The following PCDH15 variants were observed in gnomAD, a reference collection of about 807,000 sequenced individuals.
The protein encoded by PCDH15 is protocadherin-15.
A neutral mutation model predicts 178.5 loss-of-function variants in PCDH15; 129 were observed. The observed-to-expected ratio is 0.72, with a 90% CI of 0.63 to 0.84. PCDH15 has a LOEUF of 0.84. Ranked by LOEUF, PCDH15 falls within the 40% of genes least tolerant of loss-of-function variation. The pLI, the probability that PCDH15 is intolerant of heterozygous loss-of-function variation, is 0.00. For missense variants in PCDH15, 2,230 were observed against 2,099.9 expected (o/e 1.06, Z -1.21); for synonymous variants, 800 against 732.0 (o/e 1.09, Z -1.50).
intron 5 of PCDH15, among the ~76,000 whole-genome samples, chr10:54,368,149 G>C (rs1031775344): frequency 2.6e-5 from 4 of 151,824 alleles, no homozygotes; most frequent in African/African-American, 9.7e-5. Context: ...GAAAGTCTCA[G>C]ATTACAAGGA....
chr10:55,454,378 G>T (rs1565155925), intron 2 of PCDH15, among the ~76,000 whole-genome samples: 1 of 151,902 alleles, frequency 6.6e-6, no homozygotes, highest in Non-Finnish European at 1.5e-5. Flanking sequence ...ATTTAAAGGG[G>T]ATTACAGTAT....
intron 11 of PCDH15, among the ~76,000 whole-genome samples, chr10:54,186,745 C>CA: frequency 6.6e-6 from 1 of 152,026 alleles, no homozygotes; most frequent in South Asian, 2.1e-4. Context: ...ACAGGCACTT[C>CA]AGTTGTTTCC....
intron 1 of PCDH15, among the ~76,000 whole-genome samples, chr10:54,687,799 C>G (rs1678543196): frequency 6.6e-6 from 1 of 152,062 alleles, no homozygotes; most frequent in South Asian, 2.1e-4. Context: ...TCTCTCTGCT[C>G]CTTTAAGACC....
chr10:55,334,827 T>A (rs67962760), intron 2 of PCDH15, among the ~76,000 whole-genome samples: 33,553 of 152,038 alleles, frequency 0.22, 4,374 homozygotes, highest in African/African-American at 0.36. Context: ...AGAAAATAAT[T>A]ACCTCCTTGG....
At chr10:54,029,696 G>A (rs1402541058) in intron 18 of PCDH15, among the ~76,000 whole-genome samples, 1 of 152,080 alleles carries the variant, frequency 6.6e-6, no homozygotes, top group East Asian at 1.9e-4. Context: ...TTTGAGAAGC[G>A]ATTTTATAGC....
intron 1 of PCDH15, among the ~76,000 whole-genome samples, chr10:55,287,482 G>A (rs530147640): frequency 2.6e-4 from 40 of 151,966 alleles, no homozygotes; most frequent in Non-Finnish European, 3.5e-4. Context: ...AAGGCTACAC[G>A]TTCCTCTTTA....
chr10:54,196,994 C>T (rs1250447306), intron 10 of PCDH15, among the ~76,000 whole-genome samples: 1 of 152,050 alleles, frequency 6.6e-6, no homozygotes, highest in Admixed American at 6.5e-5. Context: ...CTCAAAGAAA[C>T]GTAGACAATT....
At chr10:54,758,715 C>T (rs7910337) in intron 1 of PCDH15, among the ~76,000 whole-genome samples, 11,768 of 152,074 alleles carry the variant, frequency 0.077, 1,498 homozygotes, top group African/African-American at 0.27. Flanking sequence ...ACAAAGGAAA[C>T]CCAAATAAAA....
At chr10:54,118,606 G>A (rs1446456648) in intron 15 of PCDH15, among the ~76,000 whole-genome samples, 1 of 152,054 alleles carries the variant, frequency 6.6e-6, no homozygotes, top group Admixed American at 6.6e-5. Flanking sequence ...CTGGCAGTGA[G>A]TCGAGATTGT....
At chr10:54,789,498 T>G (rs1231299014) in intron 1 of PCDH15, among the ~76,000 whole-genome samples, 1 of 151,842 alleles carries the variant, frequency 6.6e-6, no homozygotes, top group African/African-American at 2.4e-5. Context: ...CAAATATAAA[T>G]CACTGACAAG....
chr10:54,324,240 A>G (rs970400866), intron 7 of PCDH15, among the ~76,000 whole-genome samples: 1 of 152,164 alleles, frequency 6.6e-6, no homozygotes, highest in Non-Finnish European at 1.5e-5. Context: ...TTTTACCTAT[A>G]CAAACACATA....
chr10:55,452,243 C>CGG (rs1554871241), intron 2 of PCDH15, among the ~76,000 whole-genome samples: 1 of 151,796 alleles, frequency 6.6e-6, no homozygotes, highest in Non-Finnish European at 1.5e-5. Flanking sequence ...AAACCAAAGA[C>CGG]GAGTGTAAAT....
At chr10:54,723,568 C>A (rs1432928388) in intron 1 of PCDH15, among the ~76,000 whole-genome samples, 1 of 151,674 alleles carries the variant, frequency 6.6e-6, no homozygotes, top group Non-Finnish European at 1.5e-5. Flanking sequence ...AACTAAACAG[C>A]TTTTGCACAA....
intron 2 of PCDH15, among the ~76,000 whole-genome samples, chr10:55,017,786 G>A (rs1840219227): frequency 6.6e-6 from 1 of 151,990 alleles, no homozygotes; most frequent in Non-Finnish European, 1.5e-5. Flanking sequence ...TAATGGGATA[G>A]TATACCTCCA....
intron 1 of PCDH15, among the ~76,000 whole-genome samples, chr10:55,201,016 G>A (rs891386084): frequency 6.6e-6 from 1 of 152,080 alleles, no homozygotes; most frequent in African/African-American, 2.4e-5. Context: ...CAGAGGTCTA[G>A]AGATTGATTA....
At chr10:54,858,044 G>A (rs1021205175) in intron 3 of PCDH15, among the ~76,000 whole-genome samples, 1 of 152,256 alleles carries the variant, frequency 6.6e-6, no homozygotes, top group South Asian at 2.1e-4. Flanking sequence ...AAACGTGTAT[G>A]TCCTGTCTAA....
At chr10:54,145,250 A>G (rs60992140) in intron 14 of PCDH15, among the ~76,000 whole-genome samples, 2,347 of 152,162 alleles carry the variant, frequency 0.015, 76 homozygotes, top group African/African-American at 0.054. Flanking sequence ...TAATGTTGCT[A>G]GCTTATAGAG....
intron 1 of PCDH15, among the ~76,000 whole-genome samples, chr10:54,671,804 A>C (rs561814099): frequency 4.5e-4 from 69 of 152,274 alleles, no homozygotes; most frequent in African/African-American, 1.6e-3. Flanking sequence ...GTCACACCTA[A>C]AGTAGCTCAT....
intron 3 of PCDH15, among the ~76,000 whole-genome samples, chr10:54,391,278 G>C (rs982101254): frequency 7.2e-5 from 11 of 152,062 alleles, no homozygotes; most frequent in Non-Finnish European, 1.2e-4. Flanking sequence ...GCCACACCTG[G>C]CAAAAATTAG....
Sources: gnomAD v4.1 joint callset for allele counts (sites outside exome capture counted in the v4.1 genomes callset) on GRCh38, gnomAD v4.1.1 for gene constraint, MANE v1.5 for transcripts, NCBI Gene and HGNC (gene_info 2026-07-23, HGNC 2026-07-21) for gene names.